Variants in BLM observed in about 807,000 individuals in gnomAD.
BLM encodes recQ-like DNA helicase BLM.
In BLM, 95 loss-of-function variants were observed where a neutral mutation model predicts 135.3. That is an observed-to-expected ratio of 0.70 (90% CI 0.59 to 0.83). The LOEUF is 0.83. Ranked by LOEUF, BLM falls within the 40% of genes least tolerant of loss-of-function variation. The probability of loss-of-function intolerance (pLI) is 0.00; values close to 1 mark genes in which losing one functional copy is unlikely to be tolerated. For missense variants in BLM, 1,518 were observed against 1,663.9 expected (o/e 0.91, Z 1.53); for synonymous variants, 520 against 589.2 (o/e 0.88, Z 1.70).
At chr15:90,795,717 C>G (rs1414954732) in intron 16 of BLM, among the ~76,000 whole-genome samples, 1 of 152,144 alleles carries the variant, frequency 6.6e-6, no homozygotes, top group African/African-American at 2.4e-5. Context: ...AAAATCCCTG[C>G]CCTTGTGGAG....
At chr15:90,793,254 C>A (rs956623831) in intron 15 of BLM, among the ~76,000 whole-genome samples, 1 of 151,526 alleles carries the variant, frequency 6.6e-6, no homozygotes, top group Non-Finnish European at 1.5e-5. Flanking sequence ...TCAGCCTCAG[C>A]CTCCCGACTA....
chr15:90,740,695 T>C (rs1481199709), intron 1 of BLM, among the ~76,000 whole-genome samples: 1 of 152,184 alleles, frequency 6.6e-6, no homozygotes, highest in Non-Finnish European at 1.5e-5. Flanking sequence ...CCATGTGTCA[T>C]GGGAGGGACC....
At chr15:90,750,836 A>C (rs1275492814) in intron 3 of BLM, among the ~76,000 whole-genome samples, 2 of 152,182 alleles carry the variant, frequency 1.3e-5, no homozygotes, top group Non-Finnish European at 1.5e-5. Context: ...TGTATAGGAA[A>C]ACACATAGTA....
chr15:90,783,062 A>G, intron 13 of BLM, 134 bp downstream of exon 13: 1 of 676,650 alleles, frequency 1.5e-6, no homozygotes, highest in Non-Finnish European at 2.6e-6. Flanking sequence ...TATAGAGCAG[A>G]CTATTGCAAC....
intron 1 of BLM, among the ~76,000 whole-genome samples, chr15:90,734,418 G>A (rs1316444581): frequency 1.3e-5 from 2 of 151,480 alleles, no homozygotes; most frequent in Admixed American, 6.6e-5. Context: ...CTCCCAAGTC[G>A]CTGGGATTAC....
In BLM at chr15:90,803,509, T is replaced by A. The variant is rs370837480; in HGVS notation, c.3359-12T>A. 7.5e-6 allele frequency: 12 copies of A among 1,606,100 alleles called. No homozygotes were observed. The African/African-American group carries it at 1.5e-4, about 20-fold the overall frequency. ...ACATTTACTCATCTTACTTCCTGTA[T>A]CTTCTTATCAGGGAGTAAGAGTGCA... is the stretch of plus-strand genomic sequence containing the variant. On this transcript the variant is annotated splice_polypyrimidine_tract_variant and intron_variant, in intron 17 of 21. Coordinates refer to ENST00000355112, the MANE Select transcript of BLM (RefSeq NM_000057.4).
At chr15:90,720,257 A>G (rs1189965221) in intron 1 of BLM, among the ~76,000 whole-genome samples, 1 of 152,208 alleles carries the variant, frequency 6.6e-6, no homozygotes, top group East Asian at 1.9e-4. Flanking sequence ...GGCACAGAGT[A>G]GTCACTGTAG....
intron 1 of BLM, among the ~76,000 whole-genome samples, chr15:90,722,437 A>C (rs1235280328): frequency 6.6e-6 from 1 of 152,084 alleles, no homozygotes; most frequent in East Asian, 1.9e-4. Context: ...AAATACAAAA[A>C]TTAGCTGGCC....
At chr15:90,744,220 G>A (rs1895441172) in intron 1 of BLM, among the ~76,000 whole-genome samples, 1 of 152,152 alleles carries the variant, frequency 6.6e-6, no homozygotes, top group South Asian at 2.1e-4. Flanking sequence ...CTCCTTGTCA[G>A]TAGTCTACTT....
rs1895931307 is a variant in BLM at position 90,760,166 on chromosome 15, G to A, written c.1107G>A (p.Gln369=). 1.2e-6 allele frequency: 2 copies of A among 1,611,000 alleles called. No individual in the cohort carries two copies. Among genetic ancestry groups the A allele is most frequent in the Non-Finnish European group, 1.7e-6 (2 of 1,177,416 alleles). Residue 369 remains glutamine (Q), a synonymous_variant, in exon 6 of 22, where the codon CAG becomes CAA. Transcript: ENST00000355112. ...TTATAGCTAGACAGATAAGTTTACA[G>A]CAGCAGCTTATTCATGTGATGGAGC... The part of the protein sequence containing the change: ...TDCDARQISL[Q]QQLIHVMEHI...
chr15:90,749,823 A>T lies in BLM; in HGVS notation c.555A>T (p.Lys185Asn), dbSNP rs766947105. Residue 185 changes from lysine (K) to asparagine (N), a missense_variant, in exon 3 of 22, where the codon AAA becomes AAT. Around this residue, in one of 5 missense-constraint regions of BLM, gnomAD observed 724 missense variants for 756.9 expected, o/e 0.96. Coordinates refer to ENST00000355112, the MANE Select transcript of BLM (RefSeq NM_000057.4). ...TTGTAAGAGTAAGCACTGCTCAGAA[A>T]TCAAAAAAGGGTAAGAGAAACTTTT... is the stretch of plus-strand genomic sequence containing the variant. The part of the protein sequence containing the change: ...SHFVRVSTAQ[K>N]SKKGKRNFFK... The T allele has an allele frequency of 3.1e-6, 5 of 1,595,784 alleles. No individual in the cohort carries two copies. The highest frequency in any genetic ancestry group is 4.3e-6 in the Non-Finnish European group (5 of 1,172,108).
chr15:90,739,398 C>A (rs1895305200), intron 1 of BLM, among the ~76,000 whole-genome samples: 1 of 151,982 alleles, frequency 6.6e-6, no homozygotes, highest in African/African-American at 2.4e-5. Context: ...AAGACTCCAT[C>A]TCAAAAAATA....
chr15:90,769,218 AT>A lies in BLM; in HGVS notation c.2395del (p.Cys799ValfsTer16). On this transcript the variant is annotated frameshift_variant, in exon 11 of 22. Transcript: ENST00000355112. LOFTEE classifies it high-confidence loss of function. ...LLARFVIDEAHCVSQWGHDFR... is the reference protein window; with the variant it reads ...LLARFVIDEAXCVSQWGHDFR... ...GCACGTTTTGTTATTGATGAAGCAC[AT>A]TGTGTCAGTCAGGTAAATACTGTTT... is the stretch of plus-strand genomic sequence containing the variant. 1 of 1,610,584 alleles carries A rather than the reference AT, an allele frequency of 6.2e-7. No homozygotes were observed. Among genetic ancestry groups the A allele is most frequent in the Non-Finnish European group, 8.5e-7 (1 of 1,176,706 alleles).
intron 1 of BLM, among the ~76,000 whole-genome samples, chr15:90,733,148 T>A (rs1038171494): frequency 6.6e-6 from 1 of 151,994 alleles, no homozygotes. Context: ...AGCAAATAAA[T>A]TAGCCTAATA....
rs866358637 is a variant in BLM at position 90,749,483 on chromosome 15, C to T, written c.215C>T (p.Ser72Phe). 6.2e-7 allele frequency: 1 copy of T among 1,613,906 alleles called. No homozygotes were observed. Among genetic ancestry groups the T allele is most frequent in the South Asian group, 1.1e-5 (1 of 91,066 alleles). Reference protein sequence around the residue: ...NKDVNVTEDFSFSEPLPNTTN... With the variant: ...NKDVNVTEDFFFSEPLPNTTN... ...GATGTTAATGTTACCGAAGACTTTT[C>T]CTTCAGTGAACCTCTACCCAACACC... Residue 72 changes from serine (S) to phenylalanine (F), a missense_variant, in exon 3 of 22, where the codon TCC (serine) becomes TTC (phenylalanine). Ser to Phe is a radical substitution (Grantham distance 155). Coordinates refer to ENST00000355112, the MANE Select transcript of BLM (RefSeq NM_000057.4).
intron 1 of BLM, among the ~76,000 whole-genome samples, chr15:90,727,785 C>T (rs1364111079): frequency 6.6e-6 from 1 of 151,394 alleles, no homozygotes; most frequent in Non-Finnish European, 1.5e-5. Context: ...GGTTGTGTAT[C>T]CTTAAAGTGT....
At chr15:90,770,622 T>C (rs1309237141) in intron 12 of BLM, among the ~76,000 whole-genome samples, 3 of 152,252 alleles carry the variant, frequency 2.0e-5, no homozygotes, top group African/African-American at 7.2e-5. Context: ...ATTTTTTTCT[T>C]CTGATTTATT....
chr15:90,800,159 G>A (rs955277183), intron 17 of BLM, among the ~76,000 whole-genome samples: 1 of 152,170 alleles, frequency 6.6e-6, no homozygotes. Flanking sequence ...TGCCACAGTG[G>A]CATATTCTGG....
At chr15:90,789,100 A>G (rs1307043730) in intron 14 of BLM, among the ~76,000 whole-genome samples, 2 of 152,022 alleles carry the variant, frequency 1.3e-5, no homozygotes, top group Non-Finnish European at 2.9e-5. Flanking sequence ...ATAGGGGTTT[A>G]TAAAAACCTA....
Sources: gnomAD v4.1 joint callset for allele counts (sites outside exome capture counted in the v4.1 genomes callset) on GRCh38, gnomAD v4.1.1 for gene constraint, gnomAD v4.1.1 regional missense constraint, MANE v1.5 for transcripts, NCBI Gene and HGNC (gene_info 2026-07-23, HGNC 2026-07-21) for gene names.